The following CCDC7 variants were observed in gnomAD, a reference collection of about 807,000 sequenced individuals.
The protein encoded by CCDC7 is coiled-coil domain containing 7.
CCDC7 carries 183 observed loss-of-function variants against 196.9 expected under a neutral mutation model. The observed-to-expected ratio is 0.93, with a 90% confidence interval of 0.82 to 1.05. The LOEUF (loss-of-function observed/expected upper bound fraction) is 1.05. CCDC7 is among the 50% of genes least tolerant of loss of function. The probability of loss-of-function intolerance (pLI) is 0.00; values close to 1 mark genes in which losing one functional copy is unlikely to be tolerated. For missense variants in CCDC7, 1,540 were observed against 1,482.2 expected, an observed-to-expected ratio of 1.04 and a Z score of -0.64; for synonymous variants, 525 against 484.6, an observed-to-expected ratio of 1.08 and a Z score of -1.10.
At chr10:32,877,813 TC>T (rs2094642152), downstream of CCDC7, among the ~76,000 whole-genome samples, 1 of 152,128 alleles carries the variant, frequency 6.6e-6, no homozygotes, top group African/African-American at 2.4e-5. Context: ...CTGCCTTGCA[TC>T]CCCAGACCAA....
At chr10:32,451,724 A>G in exon 1 of CCDC7, 4 of 1,614,142 alleles carry the variant, frequency 2.5e-6, no homozygotes, top group Non-Finnish European at 3.4e-6. Flanking sequence ...AGGACTACAT[A>G]ATTTACCATT....
chr10:32,630,616 CA>C (rs995676361), intron 18 of CCDC7, among the ~76,000 whole-genome samples: 1 of 152,024 alleles, frequency 6.6e-6, no homozygotes, highest in Non-Finnish European at 1.5e-5. Context: ...ATCTCCCAGA[CA>C]AAAAATCAAC....
chr10:32,457,291 A>G (rs1329169379), intron 3 of CCDC7, among the ~76,000 whole-genome samples: 1 of 152,050 alleles, frequency 6.6e-6, no homozygotes, highest in Non-Finnish European at 1.5e-5. Flanking sequence ...ATAATATCCT[A>G]TAGGGCTTTC....
intron 21 of CCDC7, among the ~76,000 whole-genome samples, chr10:32,672,091 GATGTGAAGCACAGGA>G (rs1282812366): frequency 1.3e-5 from 2 of 152,136 alleles, no homozygotes; most frequent in Non-Finnish European, 2.9e-5. Flanking sequence ...GCAGAACTGA[GATGTGAAGCACAGGA>G]ATGTGTGGAG....
downstream of CCDC7, among the ~76,000 whole-genome samples, chr10:32,877,505 A>T (rs189137507): frequency 7.9e-5 from 12 of 152,204 alleles, no homozygotes; most frequent in East Asian, 1.9e-3. Context: ...AGTATGGAAG[A>T]CTACCTGCAA....
chr10:32,453,814 C>T (rs999377029), intron 2 of CCDC7, among the ~76,000 whole-genome samples: 1 of 152,160 alleles, frequency 6.6e-6, no homozygotes, highest in Non-Finnish European at 1.5e-5. Context: ...TTAACATATA[C>T]TTAAAAGATA....
chr10:32,734,926 A>G (rs1011839777), intron 28 of CCDC7, among the ~76,000 whole-genome samples: 9 of 151,700 alleles, frequency 5.9e-5, no homozygotes, highest in African/African-American at 9.7e-5. Flanking sequence ...AAATAAAATA[A>G]GTTAAAATAA....
chr10:32,827,539 C>T (rs1157650964), intron 32 of CCDC7, among the ~76,000 whole-genome samples: 9 of 151,672 alleles, frequency 5.9e-5, no homozygotes, highest in East Asian at 1.9e-4. Context: ...ACTCAATTTA[C>T]GGCTAAAGAA....
intron 10 of CCDC7, 87 bp from the exon 12 acceptor site, chr10:32,518,329 T>A: frequency 7.4e-7 from 1 of 1,358,334 alleles, no homozygotes; most frequent in Non-Finnish European, 9.8e-7. Context: ...TAATGAAGAC[T>A]TTCTTACCTT....
In CCDC7 at chr10:32,834,481, A is replaced by G. The variant is rs182461337; in HGVS notation, c.3269-334A>G. Among the ~76,000 whole-genome samples, 125 of 152,202 alleles carry G rather than the reference A, an allele frequency of 8.2e-4. 1 individual carries two copies. Among genetic ancestry groups the G allele is most frequent in the African/African-American group, 2.7e-3 (113 of 41,556 alleles). On this transcript the variant is annotated intron_variant, in intron 32 of 41. Transcript: ENST00000639629. ...ACTCTCTAGGATAATTTCAGTTTGG[A>G]AAAGAGGCAGCATTGTATGGAAGAA...
At chr10:32,720,255 A>C (rs1158173379) in intron 25 of CCDC7, among the ~76,000 whole-genome samples, 1 of 152,156 alleles carries the variant, frequency 6.6e-6, no homozygotes, top group Non-Finnish European at 1.5e-5. Flanking sequence ...ACATGGATGA[A>C]GCTGGAAACC....
rs191285976 is a variant in CCDC7, at chr10:32,521,759, G to T, written c.993+3254G>T. Among the ~76,000 whole-genome samples the T allele has an allele frequency of 2.1e-3, 320 of 152,162 alleles. 1 individual carries two copies. Among genetic ancestry groups the T allele is most frequent in the African/African-American group, 7.5e-3 (311 of 41,530 alleles). On this transcript the variant is annotated intron_variant, in intron 11 of 41. Transcript: ENST00000639629. ...ATGCTGAACAACAGTCATGACAGTGGGCATTCTTACCATGTTCCAGATCTT... is the reference window on the plus strand; with the variant it reads ...ATGCTGAACAACAGTCATGACAGTGTGCATTCTTACCATGTTCCAGATCTT...
chr10:32,465,486 G>A (rs1373332738), intron 5 of CCDC7, among the ~76,000 whole-genome samples: 9 of 146,736 alleles, frequency 6.1e-5, no homozygotes. Context: ...ATTATTGATC[G>A]TGCCCTCATT....
At chr10:32,540,945 A>G (rs1034429053) in intron 11 of CCDC7, among the ~76,000 whole-genome samples, 9 of 152,094 alleles carry the variant, frequency 5.9e-5, no homozygotes, top group African/African-American at 1.9e-4. Context: ...AGTGTTCATC[A>G]ATGATATAGC....
At chr10:32,687,044 C>T (rs538146791) in intron 22 of CCDC7, among the ~76,000 whole-genome samples, 1 of 152,182 alleles carries the variant, frequency 6.6e-6, no homozygotes, top group Non-Finnish European at 1.5e-5. Context: ...ATGTCAATTG[C>T]TTTATACCTA....
chr10:32,592,946 T>C (rs2059925877), intron 18 of CCDC7, among the ~76,000 whole-genome samples: 1 of 151,088 alleles, frequency 6.6e-6, no homozygotes, highest in Non-Finnish European at 1.5e-5. Context: ...ATCCAGTCTG[T>C]CATTGATGGA....
intron 18 of CCDC7, among the ~76,000 whole-genome samples, chr10:32,625,184 G>T (rs544636494): frequency 6.6e-6 from 1 of 151,018 alleles, no homozygotes; most frequent in Non-Finnish European, 1.5e-5. Context: ...GTTGATTTTT[G>T]TGTATGTGTC....
rs1189367362 is a variant in CCDC7 at position 32,540,074 on chromosome 10, C to T, written c.994-3226C>T. On this transcript the variant is annotated intron_variant, in intron 11 of 41. Transcript: ENST00000639629. ...CTGAATATCTTTGTTTATTTTCTGC[C>T]TCAATGGTCTAATACTGTCAGTGGG... is the stretch of plus-strand genomic sequence containing the variant. Among the ~76,000 whole-genome samples the T allele has an allele frequency of 9.2e-5, 14 of 152,074 alleles. No homozygotes were observed. The East Asian group carries it at 2.7e-3, about 29-fold the overall frequency.
intron 23 of CCDC7, among the ~76,000 whole-genome samples, chr10:32,693,690 G>T (rs1221428789): frequency 6.6e-6 from 1 of 152,130 alleles, no homozygotes; most frequent in Non-Finnish European, 1.5e-5. Context: ...CAGGCACATG[G>T]TCTGGAGTTA....
Sources: gnomAD v4.1 joint callset for allele counts (sites outside exome capture counted in the v4.1 genomes callset) on GRCh38, gnomAD v4.1.1 for gene constraint, MANE v1.5 for transcripts, NCBI Gene and HGNC (gene_info 2026-07-23, HGNC 2026-07-21) for gene names.